The following PCSK5 variants were observed in gnomAD, a reference collection of about 807,000 sequenced individuals.
PCSK5 encodes the protein proprotein convertase subtilisin/kexin type 5, also known as prohormone convertase 5.
In PCSK5, 129 loss-of-function variants were observed where a neutral mutation model predicts 233.2. The ratio of observed to expected loss-of-function variants is 0.55; its 90% CI spans 0.48 to 0.64. PCSK5 has a LOEUF of 0.64. Among genes scored for constraint, PCSK5 ranks in the 30% least tolerant of loss-of-function variants. The pLI is 0.00. For missense variants in PCSK5, 2,076 were observed against 2,430.1 expected, an observed-to-expected ratio of 0.85 and a Z score of 3.06; for synonymous variants, 825 against 879.2, an observed-to-expected ratio of 0.94 and a Z score of 1.09.
At position 76,179,890 on chromosome 9, in the gene PCSK5, T is replaced by TA. The variant is rs772961019; in HGVS notation, c.2003+193dup. On this transcript the variant is annotated intron_variant, in intron 15 of 37. Coordinates refer to ENST00000674117, the MANE Select transcript of PCSK5 (RefSeq NM_001372043.1). ...GTGTTATTCAGAATGGTGAAAACTA[T>TA]ATTGAGTTACAAAACGCAAAATGTG... is the stretch of plus-strand genomic sequence containing the variant. Among the ~76,000 whole-genome samples, 6 of 152,234 alleles carry TA rather than the reference T, an allele frequency of 3.9e-5. No individual in the cohort carries two copies. In the East Asian group the frequency reaches 5.8e-4, roughly 15 times the overall value.
At chr9:75,924,989 G>T (rs1351516828) in intron 1 of PCSK5, among the ~76,000 whole-genome samples, 5 of 152,152 alleles carry the variant, frequency 3.3e-5, no homozygotes, top group Non-Finnish European at 4.4e-5. Flanking sequence ...TGAGGCGGCA[G>T]TGAAGTAATG....
At chr9:76,197,415 G>C (rs992945612) in intron 20 of PCSK5, among the ~76,000 whole-genome samples, 9 of 152,118 alleles carry the variant, frequency 5.9e-5, no homozygotes, top group African/African-American at 1.2e-4. Context: ...TACAAACTGA[G>C]TACTTGGTAA....
intron 14 of PCSK5, among the ~76,000 whole-genome samples, chr9:76,179,061 T>C (rs184614741): frequency 1.6e-3 from 244 of 152,342 alleles, no homozygotes; most frequent in African/African-American, 5.5e-3. Flanking sequence ...AAATCTATTA[T>C]CTGTGTCTGA....
intron 24 of PCSK5, among the ~76,000 whole-genome samples, chr9:76,243,115 A>G (rs1391746475): frequency 6.6e-6 from 1 of 152,242 alleles, no homozygotes; most frequent in African/African-American, 2.4e-5. Context: ...ACTCCACAGC[A>G]GACACTGACC....
At chr9:76,240,536 C>A in intron 23 of PCSK5, 80 bp from the exon 24 acceptor site, 2 of 964,300 alleles carry the variant, frequency 2.1e-6, no homozygotes, top group Non-Finnish European at 3.3e-6. Flanking sequence ...ATAAGCTACA[C>A]ACGAACATAT....
At chr9:76,100,942 CCT>C (rs1257152784) in intron 8 of PCSK5, among the ~76,000 whole-genome samples, 1 of 152,154 alleles carries the variant, frequency 6.6e-6, no homozygotes, top group Admixed American at 6.5e-5. Flanking sequence ...TTAGAACACT[CCT>C]CTACCAAATA....
chr9:76,321,370 CACTTCTCCAGCAGGTCA>C (rs1359154449), intron 30 of PCSK5, 35 bp from the exon 31 acceptor site: 6 of 973,754 alleles, frequency 6.2e-6, no homozygotes, highest in Non-Finnish European at 9.9e-6. Flanking sequence ...AGGAATGAGT[CACTTCTCCAGCAGGTCA>C]GCTTCTCCAG....
At position 76,192,422 on chromosome 9, in the gene PCSK5, T is replaced by A. The variant is rs371429399; in HGVS notation, c.2626+2676T>A. Among the ~76,000 whole-genome samples, 6 of 152,360 alleles carry A rather than the reference T, an allele frequency of 3.9e-5. No individual in the cohort carries two copies. The South Asian group carries it at 1.2e-3, about 32-fold the overall frequency. On this transcript the variant is annotated intron_variant, in intron 20 of 37. Transcript: ENST00000674117. ...CTTTCAACTGTCATATTTCTGTGATTCTAAGACATATATTTTTTACATTTT... is the reference window on the plus strand; with the variant it reads ...CTTTCAACTGTCATATTTCTGTGATACTAAGACATATATTTTTTACATTTT...
At chr9:76,039,704 C>A (rs1412920061) in intron 5 of PCSK5, among the ~76,000 whole-genome samples, 2 of 152,164 alleles carry the variant, frequency 1.3e-5, no homozygotes, top group Admixed American at 6.5e-5. Context: ...ATGCAATACA[C>A]AAGAACTGCT....
intron 3 of PCSK5, among the ~76,000 whole-genome samples, chr9:75,987,730 T>C (rs1302350623): frequency 6.6e-6 from 1 of 151,960 alleles, no homozygotes; most frequent in Non-Finnish European, 1.5e-5. Context: ...CCGCAAAGAG[T>C]GAACCCCAAG....
At chr9:76,079,256 A>G (rs1216343000) in intron 7 of PCSK5, among the ~76,000 whole-genome samples, 1 of 151,378 alleles carries the variant, frequency 6.6e-6, no homozygotes, top group Non-Finnish European at 1.5e-5. Context: ...GGTGCGCACT[A>G]CCGTGCCCAG....
intron 36 of PCSK5, 101 bp downstream of exon 36, chr9:76,351,029 C>A: frequency 1.5e-6 from 1 of 671,854 alleles, no homozygotes; most frequent in Non-Finnish European, 2.7e-6. Flanking sequence ...TCCCAAAATT[C>A]TCATACTATA....
chr9:75,985,728 A>G (rs1192436390), intron 2 of PCSK5, among the ~76,000 whole-genome samples: 1 of 152,200 alleles, frequency 6.6e-6, no homozygotes, highest in Non-Finnish European at 1.5e-5. Flanking sequence ...AGACCACGTG[A>G]CCTGCAAAGC....
intron 21 of PCSK5, among the ~76,000 whole-genome samples, chr9:76,229,099 A>T (rs1825991262): frequency 6.6e-6 from 1 of 152,236 alleles, no homozygotes; most frequent in Non-Finnish European, 1.5e-5. Context: ...AGAATTTTTA[A>T]TGCTAACCAT....
At chr9:76,232,550 C>T (rs1404567124) in intron 21 of PCSK5, among the ~76,000 whole-genome samples, 1 of 152,186 alleles carries the variant, frequency 6.6e-6, no homozygotes. Context: ...TCTCAGCTGC[C>T]TCCCCTTAAG....
At chr9:75,978,029 A>G (rs1425730790) in intron 2 of PCSK5, among the ~76,000 whole-genome samples, 1 of 152,196 alleles carries the variant, frequency 6.6e-6, no homozygotes, top group Non-Finnish European at 1.5e-5. Flanking sequence ...GTTCATTGCT[A>G]GTAATATAAT....
chr9:75,933,856 T>C (rs1374959889), intron 2 of PCSK5, among the ~76,000 whole-genome samples: 3 of 152,236 alleles, frequency 2.0e-5, no homozygotes, highest in Admixed American at 6.5e-5. Flanking sequence ...TCAAACTTTT[T>C]TGAAGCTTTT....
At chr9:75,957,936 G>A (rs766787647) in intron 2 of PCSK5, among the ~76,000 whole-genome samples, 23 of 152,120 alleles carry the variant, frequency 1.5e-4, no homozygotes, top group Non-Finnish European at 3.4e-4. Context: ...GTTTCACCAA[G>A]GATCTAAGAG....
At chr9:76,234,392 G>T (rs1377362576) in intron 22 of PCSK5, among the ~76,000 whole-genome samples, 1 of 152,080 alleles carries the variant, frequency 6.6e-6, no homozygotes, top group Non-Finnish European at 1.5e-5. Flanking sequence ...ACCATTCCCA[G>T]TTGTCTCACT....
Sources: allele counts gnomAD v4.1 joint callset (sites outside exome capture counted in the v4.1 genomes callset), GRCh38; gene constraint gnomAD v4.1.1; transcripts MANE v1.5; gene names NCBI Gene and HGNC (gene_info 2026-07-23, HGNC 2026-07-21).